Variants in ULK4 observed in about 807,000 individuals in gnomAD.
ULK4 encodes the protein unc-51 like kinase 4, also known as inactive serine/threonine-protein kinase ULK4.
A neutral mutation model predicts 160.6 loss-of-function variants in ULK4; 133 were observed. That is an observed-to-expected ratio of 0.83 (90% CI 0.72 to 0.96). ULK4 has a LOEUF of 0.96. Among genes scored for constraint, ULK4 ranks in the 40% least tolerant of loss-of-function variants. The probability of loss-of-function intolerance (pLI) is 0.00; values close to 1 mark genes in which losing one functional copy is unlikely to be tolerated. For synonymous variants in ULK4, 534 were observed against 539.8 expected (o/e 0.99, Z 0.15); for missense variants, 1,580 against 1,499.5 (o/e 1.05, Z -0.89).
At chr3:41,389,147 G>A (rs1175962455) in intron 35 of ULK4, among the ~76,000 whole-genome samples, 1 of 151,994 alleles carries the variant, frequency 6.6e-6, no homozygotes, top group African/African-American at 2.4e-5. Flanking sequence ...ATTGTGAATG[G>A]GAGTTCACTC....
chr3:41,499,771 T>C (rs147548254), intron 32 of ULK4, among the ~76,000 whole-genome samples: 51 of 152,314 alleles, frequency 3.3e-4, no homozygotes, highest in African/African-American at 1.2e-3. Context: ...AGGTTGTCTA[T>C]GGCTAGAAAC....
At chr3:41,888,008 A>G (rs1048154844) in intron 16 of ULK4, among the ~76,000 whole-genome samples, 7 of 152,030 alleles carry the variant, frequency 4.6e-5, no homozygotes, top group African/African-American at 1.7e-4. Flanking sequence ...ACAAAAAGAA[A>G]AAAAAAAATG....
intron 16 of ULK4, among the ~76,000 whole-genome samples, chr3:41,887,644 A>G (rs1697769525): frequency 2.0e-5 from 3 of 152,030 alleles, no homozygotes; most frequent in Admixed American, 2.0e-4. Context: ...ACATGGTGAA[A>G]CCCCATCTCT....
chr3:41,643,086 T>A, intron 30 of ULK4, among the ~76,000 whole-genome samples: 1 of 152,220 alleles, frequency 6.6e-6, no homozygotes, highest in Admixed American at 6.5e-5. Flanking sequence ...AGATTCTGGA[T>A]ATTAGCCCTT....
chr3:41,677,434 C>T (rs1303506018), intron 29 of ULK4, among the ~76,000 whole-genome samples: 1 of 151,390 alleles, frequency 6.6e-6, no homozygotes, highest in Middle Eastern at 3.2e-3. Context: ...CGGGTTCATG[C>T]CATTCTCCTG....
intron 34 of ULK4, among the ~76,000 whole-genome samples, chr3:41,425,870 A>T (rs574913302): frequency 6.6e-6 from 1 of 152,318 alleles, no homozygotes; most frequent in East Asian, 1.9e-4. Context: ...AACTACATTA[A>T]CAAGTCTGCA....
At chr3:41,400,574 C>A (rs1206477418) in intron 34 of ULK4, among the ~76,000 whole-genome samples, 8 of 152,026 alleles carry the variant, frequency 5.3e-5, no homozygotes, top group Non-Finnish European at 1.5e-5. Context: ...TTAACTCATC[C>A]ATAAAGAAAA....
rs1377268997 is a variant in ULK4, at chr3:41,453,079, G to T, written c.3492+2418C>A. Among the ~76,000 whole-genome samples the T allele has an allele frequency of 2.0e-5, 3 of 152,174 alleles. No homozygotes were observed. The East Asian group carries it at 5.8e-4, about 29-fold the overall frequency. On this transcript the variant is annotated intron_variant, in intron 34 of 36. Transcript: ENST00000301831. ...GGCAAGGATGGGCCTATGTCATAAG[G>T]AAAGAAGGGCTAAGTAAGATCAAAG...
intron 35 of ULK4, among the ~76,000 whole-genome samples, chr3:41,358,078 G>A (rs1034514958): frequency 1.3e-5 from 2 of 152,190 alleles, no homozygotes; most frequent in Non-Finnish European, 2.9e-5. Flanking sequence ...TTTGGCTCCA[G>A]AACTTGTGCT....
At chr3:41,555,496 G>GTGTTTTTAATAACA (rs2087257454) in intron 32 of ULK4, among the ~76,000 whole-genome samples, 1 of 152,088 alleles carries the variant, frequency 6.6e-6, no homozygotes, top group African/African-American at 2.4e-5. Flanking sequence ...AGTCAGAATG[G>GTGTTTTTAATAACA]CCATTATTAA....
chr3:41,903,611 T>G (rs913817749), intron 12 of ULK4, among the ~76,000 whole-genome samples: 1 of 148,366 alleles, frequency 6.7e-6, no homozygotes. Context: ...AAATGTAAGA[T>G]GAGTAAGGTG....
Position 41,605,406 on chromosome 3 carries a change from A to G in ULK4, c.3120+10263T>C, listed in dbSNP as rs190522756. Among the ~76,000 whole-genome samples the G allele has an allele frequency of 1.5e-3, 228 of 152,024 alleles. 1 individual carries two copies. Among genetic ancestry groups the G allele is most frequent in the African/African-American group, 5.3e-3 (221 of 41,532 alleles). ...GCATAAATAGGTTAAGAGTTAAGGA[A>G]TGGAAAAGAATATGTCTCACACTAA... On this transcript the variant is annotated intron_variant, in intron 31 of 36. Coordinates refer to ENST00000301831, the MANE Select transcript of ULK4 (RefSeq NM_017886.4).
intron 19 of ULK4, among the ~76,000 whole-genome samples, chr3:41,810,942 A>G (rs11720271): frequency 0.066 from 10,007 of 152,230 alleles, 482 homozygotes; most frequent in Admixed American, 0.15. Context: ...CTGAAGGGCA[A>G]TAGTGTGCAT....
chr3:41,913,523 C>T (rs925725938), intron 8 of ULK4, among the ~76,000 whole-genome samples: 1 of 152,084 alleles, frequency 6.6e-6, no homozygotes, highest in Non-Finnish European at 1.5e-5. Context: ...CCGTGCTCAG[C>T]GTAATTTGAA....
At chr3:41,882,182 AT>A in intron 17 of ULK4, 1 of 702,432 alleles carries the variant, frequency 1.4e-6, no homozygotes, top group Non-Finnish European at 2.6e-6. Flanking sequence ...ATTTTGAAAT[AT>A]TTGTCAGTAT....
chr3:41,723,660 G>A (rs905227591), intron 22 of ULK4, among the ~76,000 whole-genome samples: 1 of 152,192 alleles, frequency 6.6e-6, no homozygotes, highest in Non-Finnish European at 1.5e-5. Context: ...GTAGGTAACT[G>A]CCACTAGGCT....
intron 35 of ULK4, among the ~76,000 whole-genome samples, chr3:41,300,769 G>A (rs1450678489): frequency 1.4e-5 from 2 of 142,630 alleles, no homozygotes; most frequent in Admixed American, 1.4e-4. Flanking sequence ...AGCAGTTAAA[G>A]CACTGAAGTT....
At chr3:41,813,688 T>C (rs112808116) in intron 19 of ULK4, among the ~76,000 whole-genome samples, 6,500 of 152,310 alleles carry the variant, frequency 0.043, 431 homozygotes, top group African/African-American at 0.15. Context: ...GTTTTTTAAA[T>C]TGTTACAGTC....
At chr3:41,834,599 T>C (rs1405080769) in intron 18 of ULK4, among the ~76,000 whole-genome samples, 1 of 152,214 alleles carries the variant, frequency 6.6e-6, no homozygotes, top group Non-Finnish European at 1.5e-5. Flanking sequence ...CAGTACTAAT[T>C]ATGGAGTTAA....
Sources: gnomAD v4.1 joint callset for allele counts (sites outside exome capture counted in the v4.1 genomes callset) on GRCh38, gnomAD v4.1.1 for gene constraint, MANE v1.5 for transcripts, NCBI Gene and HGNC (gene_info 2026-07-23, HGNC 2026-07-21) for gene names.